BCKDHB: variants seen among roughly 807,000 people sequenced by gnomAD.
BCKDHB encodes the protein branched chain keto acid dehydrogenase E1 subunit beta, also known as 2-oxoisovalerate dehydrogenase subunit beta, mitochondrial.
Under a neutral mutation model 48.5 loss-of-function variants are expected in BCKDHB, and 41 were observed. The ratio of observed to expected loss-of-function variants is 0.85; its 90% CI spans 0.66 to 1.10. The LOEUF (loss-of-function observed/expected upper bound fraction) is 1.10, where lower values mean the gene tolerates loss of function less well. BCKDHB is among the 50% of genes least tolerant of loss of function. The pLI, the probability that BCKDHB is intolerant of heterozygous loss-of-function variation, is 0.00. For synonymous variants in BCKDHB, 201 were observed against 174.8 expected (o/e 1.15, Z -1.18); for missense variants, 496 against 494.2 (o/e 1.00, Z -0.03).
chr6:80,390,164 G>T, the BCKDHB span, among the ~76,000 whole-genome samples: 1 of 152,198 alleles, frequency 6.6e-6, no homozygotes, highest in Non-Finnish European at 1.5e-5. Context: ...CACAACAGAG[G>T]TAAGGAAGAG....
intron 3 of BCKDHB, among the ~76,000 whole-genome samples, chr6:80,156,599 A>G (rs934679723): frequency 2.6e-5 from 4 of 152,154 alleles, no homozygotes; most frequent in Non-Finnish European, 5.9e-5. Flanking sequence ...GATACCAACC[A>G]TATCTTTAAG....
rs558830152 is a variant in BCKDHB, at chr6:80,269,403, T to C, written c.952-3732T>C. Among the ~76,000 whole-genome samples the C allele has an allele frequency of 2.0e-5, 3 of 152,280 alleles. No individual in the cohort carries two copies. In the East Asian group the frequency reaches 5.8e-4, roughly 29 times the overall value. On this transcript the variant is annotated intron_variant, in intron 8 of 9. Coordinates refer to ENST00000320393, the MANE Select transcript of BCKDHB (RefSeq NM_183050.4). ...TTTCAGGACTGTTTTTAATGCTTTT[T>C]TGACAAATCTTTTAGAACAAATCTT...
At chr6:80,209,248 A>G (rs1319332743) in intron 8 of BCKDHB, among the ~76,000 whole-genome samples, 3 of 151,928 alleles carry the variant, frequency 2.0e-5, no homozygotes, top group Non-Finnish European at 4.4e-5. Context: ...TCTTGATATT[A>G]GGACTGTCTA....
chr6:80,212,652 T>G (rs1027575392), intron 8 of BCKDHB, among the ~76,000 whole-genome samples: 8 of 152,178 alleles, frequency 5.3e-5, no homozygotes, highest in Non-Finnish European at 1.0e-4. Context: ...ATTAAGAGAT[T>G]AAAGTAAAGA....
intron 6 of BCKDHB, among the ~76,000 whole-genome samples, chr6:80,193,032 G>T (rs1370658098): frequency 6.6e-6 from 1 of 151,920 alleles, no homozygotes; most frequent in East Asian, 1.9e-4. Context: ...TATTGCCCAG[G>T]CTGGTCTCGA....
chr6:80,343,409 A>G (rs530037981), intron 9 of BCKDHB, among the ~76,000 whole-genome samples: 1 of 152,334 alleles, frequency 6.6e-6, no homozygotes, highest in South Asian at 2.1e-4. Flanking sequence ...CGTATTTGAT[A>G]TTATCCCAGT....
intron 8 of BCKDHB, among the ~76,000 whole-genome samples, chr6:80,226,597 T>C (rs1294972194): frequency 1.3e-5 from 2 of 152,202 alleles, no homozygotes; most frequent in Non-Finnish European, 2.9e-5. Flanking sequence ...ATATTTCCCA[T>C]TTCTTGATTT....
chr6:80,233,669 A>G (rs1776026639), intron 8 of BCKDHB, among the ~76,000 whole-genome samples: 1 of 152,142 alleles, frequency 6.6e-6, no homozygotes, highest in Non-Finnish European at 1.5e-5. Flanking sequence ...CATTTTATCT[A>G]CTTTGCGTGT....
chr6:80,350,910 C>T (rs766466352), downstream of BCKDHB, among the ~76,000 whole-genome samples: 4 of 152,116 alleles, frequency 2.6e-5, no homozygotes, highest in Non-Finnish European at 5.9e-5. Flanking sequence ...TTGTTTACAA[C>T]AAATTCCACA....
chr6:80,114,374 G>A (rs537326667), intron 1 of BCKDHB, among the ~76,000 whole-genome samples: 1 of 151,728 alleles, frequency 6.6e-6, no homozygotes, highest in East Asian at 2.0e-4. Flanking sequence ...CAGCCTCCAG[G>A]GTAGCTGGGA....
intron 9 of BCKDHB, among the ~76,000 whole-genome samples, chr6:80,280,485 C>A (rs1778152598): frequency 6.6e-6 from 1 of 152,120 alleles, no homozygotes; most frequent in South Asian, 2.1e-4. Flanking sequence ...CAATGGACCA[C>A]ATAGAAGATG....
rs922073778 is a variant in BCKDHB, at chr6:80,210,531, C to T, written c.951+7319C>T. ...CAGGTTAAATTTTTGAAAACTGAGCCGAACACTCATTTGGTGCACCTTTTT... is the reference window on the plus strand; with the variant it reads ...CAGGTTAAATTTTTGAAAACTGAGCTGAACACTCATTTGGTGCACCTTTTT... On this transcript the variant is annotated intron_variant, in intron 8 of 9. Coordinates refer to ENST00000320393, the MANE Select transcript of BCKDHB (RefSeq NM_183050.4). 9.2e-5 allele frequency among the ~76,000 whole-genome samples: 14 copies of T among 151,822 alleles called. 1 individual carries two copies. The highest frequency in any genetic ancestry group is 1.5e-4 in the African/African-American group (6 of 41,324).
chr6:80,373,990 A>G, the BCKDHB span: 68 of 594,166 alleles, frequency 1.1e-4, no homozygotes, highest in Middle Eastern at 5.1e-4. Context: ...TTTTCCTTTT[A>G]ATTGCATTTA....
intron 1 of BCKDHB, among the ~76,000 whole-genome samples, chr6:80,108,890 TCAC>T (rs1481409219): frequency 6.6e-6 from 1 of 152,036 alleles, no homozygotes; most frequent in African/African-American, 2.4e-5. Context: ...AAAACAAAAA[TCAC>T]CACCCACTGC....
chr6:80,293,371 G>A (rs1391604098), intron 9 of BCKDHB, among the ~76,000 whole-genome samples: 1 of 152,212 alleles, frequency 6.6e-6, no homozygotes, highest in African/African-American at 2.4e-5. Context: ...AAGCTGCCAT[G>A]GCTTGAGGCT....
At chr6:80,264,015 T>C (rs1777409809) in intron 8 of BCKDHB, among the ~76,000 whole-genome samples, 1 of 152,010 alleles carries the variant, frequency 6.6e-6, no homozygotes, top group Non-Finnish European at 1.5e-5. Flanking sequence ...CATTTTTCAA[T>C]TTTTTTTAGA....
intron 8 of BCKDHB, among the ~76,000 whole-genome samples, chr6:80,238,676 G>A (rs1447967307): frequency 6.6e-6 from 1 of 151,840 alleles, no homozygotes; most frequent in African/African-American, 2.4e-5. Flanking sequence ...ATGTATACAT[G>A]TACCATGCTG....
At chr6:80,202,538 C>A (rs1405727738) in intron 7 of BCKDHB, among the ~76,000 whole-genome samples, 1 of 151,954 alleles carries the variant, frequency 6.6e-6, no homozygotes, top group Non-Finnish European at 1.5e-5. Context: ...CATTACTGAT[C>A]TTCTAGTTGT....
At chr6:80,246,159 G>A (rs980018029) in intron 8 of BCKDHB, among the ~76,000 whole-genome samples, 6 of 152,136 alleles carry the variant, frequency 3.9e-5, no homozygotes, top group African/African-American at 1.4e-4. Context: ...CCTTGATATT[G>A]TAATAATTTA....
Sources: allele counts gnomAD v4.1 joint callset (sites outside exome capture counted in the v4.1 genomes callset), GRCh38; gene constraint gnomAD v4.1.1; transcripts MANE v1.5; gene names NCBI Gene and HGNC (gene_info 2026-07-23, HGNC 2026-07-21).